The following ELFN1 variants were observed in gnomAD, a reference collection of about 807,000 sequenced individuals.
The protein encoded by ELFN1 is extracellular leucine rich repeat and fibronectin type III domain containing 1, also known as protein ELFN1.
ELFN1 carries 6 observed loss-of-function variants against 7.6 expected under a neutral mutation model. The ratio of observed to expected loss-of-function variants is 0.79; its 90% CI spans 0.43 to 1.56. The LOEUF (loss-of-function observed/expected upper bound fraction) is 1.56. Ranked by LOEUF, ELFN1 falls within the 40% of genes most tolerant of loss-of-function variation. The pLI is 0.01. For synonymous variants in ELFN1, 657 were observed against 588.1 expected (o/e 1.12, Z -1.70); for missense variants, 1,169 against 1,232.2 (o/e 0.95, Z 0.77).
At chr7:1,707,834 C>G (rs1184186070) in intron 2 of ELFN1, among the ~76,000 whole-genome samples, 1 of 152,196 alleles carries the variant, frequency 6.6e-6, no homozygotes, top group Non-Finnish European at 1.5e-5. Context: ...TTTGCACACA[C>G]ACACTTCCTC....
chr7:1,723,582 C>T (rs1780091269), intron 3 of ELFN1, among the ~76,000 whole-genome samples: 1 of 152,234 alleles, frequency 6.6e-6, no homozygotes, highest in Admixed American at 6.5e-5. Context: ...CTGGTGTCTG[C>T]CCTGTCACCA....
intron 3 of ELFN1, among the ~76,000 whole-genome samples, chr7:1,730,696 G>A (rs558781243): frequency 1.3e-5 from 2 of 152,156 alleles, no homozygotes; most frequent in Non-Finnish European, 1.5e-5. Context: ...TCAAGAATCT[G>A]TCTCAGTTCA....
rs1780757210 is a variant in ELFN1, at chr7:1,745,605, A to G, written c.1009A>G (p.Ser337Gly). 4 of 1,550,946 alleles carry G rather than the reference A, an allele frequency of 2.6e-6. No homozygotes were observed. The highest frequency in any genetic ancestry group is 3.5e-6 in the Non-Finnish European group (4 of 1,146,990). ...NSATITVQLP[S>G]PFHRMYTLEH... ...GGCCACCATCACCGTCCAGCTGCCCAGCCCGTTCCACCGGATGTACACCCT... is the reference window on the plus strand; with the variant it reads ...GGCCACCATCACCGTCCAGCTGCCCGGCCCGTTCCACCGGATGTACACCCT... Residue 337 changes from serine (S) to glycine (G), a missense_variant, in exon 4 of 4, where the codon AGC becomes GGC. Ser to Gly is a moderately conservative substitution (Grantham distance 56). Coordinates refer to ENST00000424383, the MANE Select transcript of ELFN1 (RefSeq NM_001128636.4).
intron 3 of ELFN1, among the ~76,000 whole-genome samples, chr7:1,741,759 G>A (rs1399923323): frequency 6.6e-6 from 1 of 152,150 alleles, no homozygotes; most frequent in Non-Finnish European, 1.5e-5. Context: ...AACATGAGGA[G>A]GAAATCTGGG....
chr7:1,677,832 C>T (rs764922470), intron 1 of ELFN1, among the ~76,000 whole-genome samples: 68 of 151,922 alleles, frequency 4.5e-4, no homozygotes, highest in Non-Finnish European at 8.7e-4. Flanking sequence ...ATGCAGGGAG[C>T]GTGTGGAGCT....
Position 1,745,444 on chromosome 7 carries a change from A to C in ELFN1, c.848A>C (p.Glu283Ala). 6.5e-7 allele frequency: 1 copy of C among 1,540,298 alleles called. No homozygotes were observed. Among genetic ancestry groups the C allele is most frequent in the Non-Finnish European group, 8.7e-7 (1 of 1,146,432 alleles). ...TCCCCGCCGCCCCCGCCTCCGCCGGAGCCCAGTGACATGCCCTGTGCCGAT... is the reference window on the plus strand; with the variant it reads ...TCCCCGCCGCCCCCGCCTCCGCCGGCGCCCAGTGACATGCCCTGTGCCGAT... Reference protein sequence around the residue: ...GRSPPPPPPPEPSDMPCADDE... With the variant: ...GRSPPPPPPPAPSDMPCADDE... The change falls in exon 4 of 4, where the codon GAG (glutamate) becomes GCG (alanine). Residue 283 changes from glutamate (E) to alanine (A), a missense_variant. Glu to Ala is a moderately radical substitution (Grantham distance 107). This residue lies in a region of ELFN1 where 914 missense variants were observed against 872.6 expected (regional missense o/e 1.05). Transcript: ENST00000424383.
At chr7:1,675,539 C>G (rs1778852798) in intron 1 of ELFN1, among the ~76,000 whole-genome samples, 1 of 152,248 alleles carries the variant, frequency 6.6e-6, no homozygotes, top group Admixed American at 6.5e-5. Context: ...CATTAACTCT[C>G]TCTAGTTTAA....
intron 3 of ELFN1, among the ~76,000 whole-genome samples, chr7:1,713,996 C>T (rs1779749463): frequency 1.3e-5 from 2 of 152,166 alleles, no homozygotes; most frequent in African/African-American, 4.8e-5. Flanking sequence ...GCTGAGCAAA[C>T]AGCACGAGCT....
chr7:1,721,843 C>G (rs1276480988), intron 3 of ELFN1, among the ~76,000 whole-genome samples: 2 of 152,220 alleles, frequency 1.3e-5, no homozygotes, highest in African/African-American at 2.4e-5. Flanking sequence ...TCAAGTCTCC[C>G]TCGGTCCCCT....
intron 2 of ELFN1, among the ~76,000 whole-genome samples, chr7:1,689,381 A>G (rs1291636190): frequency 3.3e-5 from 5 of 152,214 alleles, no homozygotes; most frequent in Non-Finnish European, 7.3e-5. Flanking sequence ...CAGATGGATA[A>G]GTGAGGGGAA....
chr7:1,703,425 C>T (rs1779469118), intron 2 of ELFN1, among the ~76,000 whole-genome samples: 1 of 152,226 alleles, frequency 6.6e-6, no homozygotes, highest in South Asian at 2.1e-4. Context: ...TTATTCTCTT[C>T]CTTCTGAGCT....
At chr7:1,694,239 AG>A (rs1300120336) in intron 2 of ELFN1, 13 of 196,938 alleles carry the variant, frequency 6.6e-5, no homozygotes, top group African/African-American at 2.9e-4. Flanking sequence ...GGTGCCGGGC[AG>A]GGCTGGGGAA....
intron 2 of ELFN1, among the ~76,000 whole-genome samples, chr7:1,697,308 G>A (rs987895732): frequency 6.6e-6 from 1 of 152,238 alleles, no homozygotes; most frequent in Non-Finnish European, 1.5e-5. Context: ...GCCGCAGAGT[G>A]TGGGACTCAG....
intron 3 of ELFN1, among the ~76,000 whole-genome samples, chr7:1,736,469 A>G (rs1780444454): frequency 6.6e-6 from 1 of 152,214 alleles, no homozygotes; most frequent in Non-Finnish European, 1.5e-5. Flanking sequence ...TGATTATGCA[A>G]ATTCAGTCGT....
intron 3 of ELFN1, among the ~76,000 whole-genome samples, chr7:1,722,519 G>T (rs1009183812): frequency 1.3e-5 from 2 of 151,568 alleles, no homozygotes; most frequent in Non-Finnish European, 2.9e-5. Context: ...TCCACCCCCC[G>T]CTCAGCCTCC....
In ELFN1 at chr7:1,695,264, G is replaced by C. The variant is rs1433435673; in HGVS notation, c.-456+7114G>C. On this transcript the variant is annotated intron_variant, in intron 2 of 3. Transcript: ENST00000424383. This position sits in a 1 kb window ranked among gnomAD's most constrained non-coding sequence, Gnocchi z 5.1. ...CAGGAAGTAGTAGCGTGCCAGGTGC[G>C]TGGCCGGCCTCCCAGCCCTTCCCAG... Among the ~76,000 whole-genome samples the C allele has an allele frequency of 6.6e-6, 1 of 152,182 alleles. No homozygotes were observed. The highest frequency in any genetic ancestry group is 2.4e-5 in the African/African-American group (1 of 41,420).
chr7:1,686,771 C>G (rs572797199), intron 1 of ELFN1, among the ~76,000 whole-genome samples: 1 of 152,102 alleles, frequency 6.6e-6, no homozygotes, highest in African/African-American at 2.4e-5. Flanking sequence ...ATTGCTTGGG[C>G]CCTCTCTGCT....
At chr7:1,728,835 C>T (rs892756067) in intron 3 of ELFN1, among the ~76,000 whole-genome samples, 1 of 152,192 alleles carries the variant, frequency 6.6e-6, no homozygotes, top group Non-Finnish European at 1.5e-5. Flanking sequence ...GGGAGTTTCA[C>T]ACCAGCTCCT....
intron 3 of ELFN1, among the ~76,000 whole-genome samples, chr7:1,732,125 TG>T (rs1197511344): frequency 6.6e-6 from 1 of 151,998 alleles, no homozygotes; most frequent in Non-Finnish European, 1.5e-5. Flanking sequence ...CCTGGCAGCG[TG>T]GGGTCACAGC....
Sources: gnomAD v4.1 joint callset for allele counts (sites outside exome capture counted in the v4.1 genomes callset) on GRCh38, gnomAD v4.1.1 for gene constraint, gnomAD v4.1.1 regional missense constraint, Gnocchi (gnomAD v3.1) non-coding constraint, MANE v1.5 for transcripts, NCBI Gene and HGNC (gene_info 2026-07-23, HGNC 2026-07-21) for gene names.